The following BDNF variants were observed in gnomAD, a reference collection of about 807,000 sequenced individuals.
The protein encoded by BDNF is neurotrophic factor BDNF precursor form.
A neutral mutation model predicts 19.5 loss-of-function variants in BDNF; 1 was observed. The ratio of observed to expected loss-of-function variants is 0.05; its 90% CI spans 0.02 to 0.24. The LOEUF (loss-of-function observed/expected upper bound fraction) is 0.24. BDNF is among the 10% of genes least tolerant of loss of function. BDNF has a pLI of 1.00. For synonymous variants in BDNF, 100 were observed against 121.6 expected (o/e 0.82, Z 1.17); for missense variants, 195 against 317.6 (o/e 0.61, Z 2.93).
chr11:27,674,667 A>G, intron 1 of BDNF: 1 of 985,472 alleles, frequency 1.0e-6, no homozygotes, highest in Non-Finnish European at 1.2e-6. Flanking sequence ...GAAACATTCA[A>G]TTTGGCGGTA....
intron 1 of BDNF, among the ~76,000 whole-genome samples, chr11:27,712,287 A>G (rs1860357337): frequency 6.6e-6 from 1 of 152,242 alleles, no homozygotes; most frequent in African/African-American, 2.4e-5. Flanking sequence ...TCACCAGTAT[A>G]CATCACAGAC....
Position 27,683,531 on chromosome 11 carries a change from GGTTTTAT to G in BDNF, c.-22+16626_-22+16632del, listed in dbSNP as rs1183997107. Among the ~76,000 whole-genome samples the G allele has an allele frequency of 1.3e-5, 2 of 151,992 alleles. 1 individual carries two copies. Among genetic ancestry groups the G allele is most frequent in the Admixed American group, 1.3e-4 (2 of 15,246 alleles). ...CTAGGTTTTCTTCTAGGGTTTTTAT[GGTTTTAT>G]GTTTTATGTTTAAGTCTTTAATCCA... On this transcript the variant is annotated intron_variant, in intron 1 of 1. Coordinates refer to ENST00000356660, the MANE Select transcript of BDNF (RefSeq NM_001709.5).
At chr11:27,699,580 A>G (rs1590457748) in intron 1 of BDNF, 13 of 1,496,180 alleles carry the variant, frequency 8.7e-6, no homozygotes, top group Middle Eastern at 2.0e-4. Flanking sequence ...AGCGGTAGGA[A>G]TTCCGCCTCC....
chr11:27,704,039 A>G (rs1240810008), upstream of BDNF, among the ~76,000 whole-genome samples: 1 of 152,220 alleles, frequency 6.6e-6, no homozygotes. Context: ...ATTTTACAAA[A>G]TTATTTCCCT....
chr11:27,719,403 G>T (rs1860661533), intron 1 of BDNF: 3 of 952,668 alleles, frequency 3.1e-6, no homozygotes, highest in Non-Finnish European at 3.8e-6. Context: ...GCCTCCAGCC[G>T]CCCAGGCCCC....
At chr11:27,674,193 A>G in intron 1 of BDNF, 1 of 1,606,880 alleles carries the variant, frequency 6.2e-7, no homozygotes, top group Non-Finnish European at 8.5e-7. Flanking sequence ...ACATGTGTGG[A>G]CCTGCAACCC....
rs1175628249 is a variant in BDNF at position 27,658,311 on chromosome 11, T to A, written c.254A>T (p.Lys85Met). The A allele has an allele frequency of 3.7e-6, 6 of 1,614,050 alleles. No individual in the cohort carries two copies. The African/African-American group carries it at 6.7e-5, about 18-fold the overall frequency. ...CCTGGACGTGTACAAGTCTGCGTCCTTATTGTTTTCTTCATTGGGCCGAAC... is the reference window on the plus strand; with the variant it reads ...CCTGGACGTGTACAAGTCTGCGTCCATATTGTTTTCTTCATTGGGCCGAAC... ...QKVRPNEENN[K>M]DADLYTSRVM... Residue 85 changes from lysine (K) to methionine (M), a missense_variant, in exon 2 of 2, where the codon AAG (lysine) becomes ATG (methionine). Transcript: ENST00000356660. The surrounding 1 kb of genome is among the most constrained non-coding windows in gnomAD (Gnocchi z 5.7).
intron 1 of BDNF, among the ~76,000 whole-genome samples, chr11:27,699,936 G>A (rs1050911091): frequency 2.0e-5 from 3 of 152,134 alleles, no homozygotes; most frequent in Non-Finnish European, 4.4e-5. Context: ...CCTCTACTTC[G>A]TGACTTCCCC....
rs1257227892 is a variant in BDNF, at chr11:27,657,457, G to A, written c.*364C>T. ...TTTGGTTCAAATTTTTGTTGTGTGTGTGTGTGTTTTTTTTCTGTTTTCTGA... is the reference window on the plus strand; with the variant it reads ...TTTGGTTCAAATTTTTGTTGTGTGTATGTGTGTTTTTTTTCTGTTTTCTGA... On this transcript the variant is annotated 3_prime_UTR_variant, in exon 2 of 2. Coordinates refer to ENST00000356660, the MANE Select transcript of BDNF (RefSeq NM_001709.5). This position sits in a 1 kb window ranked among gnomAD's most constrained non-coding sequence, Gnocchi z 5.0. 1 of 1,006,976 alleles carries A rather than the reference G, an allele frequency of 9.9e-7. No individual in the cohort carries two copies. The highest frequency in any genetic ancestry group is 1.2e-6 in the Non-Finnish European group (1 of 845,816). 62.4% of individuals were successfully genotyped at this position (1,006,976 alleles called of 1,614,324 possible).
intron 1 of BDNF, among the ~76,000 whole-genome samples, chr11:27,666,056 C>T (rs1854263905): frequency 6.6e-6 from 1 of 152,196 alleles, no homozygotes; most frequent in African/African-American, 2.4e-5. Context: ...CCAGGTGCCC[C>T]TCTGAGACGA....
intron 1 of BDNF, among the ~76,000 whole-genome samples, chr11:27,713,113 G>T (rs891290747): frequency 1.3e-5 from 2 of 151,758 alleles, no homozygotes; most frequent in Non-Finnish European, 2.9e-5. Flanking sequence ...TGGCCAGGCT[G>T]GTCTGGAACT....
chr11:27,718,360 C>CCT (rs557677510), intron 1 of BDNF, among the ~76,000 whole-genome samples: 2 of 144,110 alleles, frequency 1.4e-5, no homozygotes, highest in Admixed American at 6.9e-5. Flanking sequence ...CACCACCCCC[C>CCT]CCCGCCCCTC....
At chr11:27,665,678 G>C (rs545356326) in intron 1 of BDNF, among the ~76,000 whole-genome samples, 122 of 152,330 alleles carry the variant, frequency 8.0e-4, no homozygotes, top group Non-Finnish European at 1.4e-3. Context: ...TGCTAGCACA[G>C]CAGTCTGAGA....
intron 1 of BDNF, among the ~76,000 whole-genome samples, chr11:27,712,703 C>G (rs1169833917): frequency 6.6e-6 from 1 of 151,286 alleles, no homozygotes; most frequent in Non-Finnish European, 1.5e-5. Context: ...TTGGTAAAGA[C>G]AGGGTTTTGC....
chr11:27,701,513 C>T (rs188674404), upstream of BDNF: 26 of 988,720 alleles, frequency 2.6e-5, no homozygotes, highest in African/African-American at 1.2e-4. Flanking sequence ...GGAGGTAATA[C>T]TCGCACCCCA....
intron 1 of BDNF, among the ~76,000 whole-genome samples, chr11:27,667,037 C>T (rs1373549187): frequency 6.6e-6 from 1 of 152,144 alleles, no homozygotes; most frequent in African/African-American, 2.4e-5. Context: ...AGGTTACCCA[C>T]AAAGGGAAGT....
intron 1 of BDNF, among the ~76,000 whole-genome samples, chr11:27,670,666 C>G (rs1254059532): frequency 6.6e-6 from 1 of 152,222 alleles, no homozygotes; most frequent in Non-Finnish European, 1.5e-5. Context: ...AAATGCTCAT[C>G]ATCACTGGCC....
intron 1 of BDNF, 87 bp downstream of exon 1, chr11:27,700,076 AC>A: frequency 1.0e-6 from 1 of 976,772 alleles, no homozygotes; most frequent in Non-Finnish European, 1.2e-6. Flanking sequence ...GCCTCGTCCC[AC>A]AACTTTGGGG....
intron 1 of BDNF, chr11:27,677,911 A>G (rs990400718): frequency 6.6e-6 from 1 of 152,148 alleles, no homozygotes; most frequent in Non-Finnish European, 1.5e-5. Flanking sequence ...TTTCCTGGTA[A>G]TGACTACAAT....
Sources: gnomAD v4.1 joint callset for allele counts (sites outside exome capture counted in the v4.1 genomes callset) on GRCh38, gnomAD v4.1.1 for gene constraint, Gnocchi (gnomAD v3.1) non-coding constraint, MANE v1.5 for transcripts, NCBI Gene and HGNC (gene_info 2026-07-23, HGNC 2026-07-21) for gene names.